The following UBAP2 variants were observed in gnomAD, a reference collection of about 807,000 sequenced individuals.
The protein encoded by UBAP2 is ubiquitin associated protein 2.
In UBAP2, 75 loss-of-function variants were observed where a neutral mutation model predicts 139.6. The ratio of observed to expected loss-of-function variants is 0.54; its 90% CI spans 0.45 to 0.65. The LOEUF is 0.65. Among genes scored for constraint, UBAP2 ranks in the 30% least tolerant of loss-of-function variants. UBAP2 has a pLI of 0.00. For synonymous variants in UBAP2, 526 were observed against 526.2 expected (o/e 1.00, Z 0.01); for missense variants, 1,368 against 1,369.6 (o/e 1.00, Z 0.02).
chr9:33,990,814 T>C (rs538266657), intron 4 of UBAP2, among the ~76,000 whole-genome samples: 20 of 152,004 alleles, frequency 1.3e-4, no homozygotes, highest in South Asian at 8.3e-4. Flanking sequence ...TTTTTGTAAT[T>C]TTAGTAGAGA....
chr9:34,041,298 C>CAAA, intron 1 of UBAP2, among the ~76,000 whole-genome samples: 1 of 134,204 alleles, frequency 7.5e-6, no homozygotes, highest in Admixed American at 7.6e-5. Flanking sequence ...ACTAAAAATG[C>CAAA]AAAAAAAAAA....
At chr9:33,943,342 C>A in intron 15 of UBAP2, 78 bp downstream of exon 15, 2 of 1,441,674 alleles carry the variant, frequency 1.4e-6, no homozygotes, top group South Asian at 2.6e-5. Context: ...TAGCTATTAC[C>A]ACAGGATGTA....
At chr9:34,036,220 T>C (rs1826354044) in intron 1 of UBAP2, among the ~76,000 whole-genome samples, 1 of 151,662 alleles carries the variant, frequency 6.6e-6, no homozygotes, top group African/African-American at 2.4e-5. Context: ...GTTCAAACGA[T>C]TCTCCTCCTC....
intron 12 of UBAP2, among the ~76,000 whole-genome samples, chr9:33,951,295 G>A (rs1207161959): frequency 1.4e-5 from 2 of 147,796 alleles, no homozygotes; most frequent in Non-Finnish European, 3.0e-5. Context: ...GGGATTTACA[G>A]GGATGAGCCA....
intron 9 of UBAP2, among the ~76,000 whole-genome samples, chr9:33,962,697 C>T (rs967525326): frequency 4.3e-5 from 6 of 138,718 alleles, no homozygotes; most frequent in Non-Finnish European, 7.5e-5. Context: ...AAAAATAGGG[C>T]CTGGAGCAGT....
At chr9:34,028,799 C>T (rs1340504722) in intron 1 of UBAP2, among the ~76,000 whole-genome samples, 1 of 150,462 alleles carries the variant, frequency 6.6e-6, no homozygotes, top group Admixed American at 6.7e-5. Flanking sequence ...CTCTCTCCTA[C>T]AAAAAGGAAA....
At chr9:33,958,848 G>C (rs1355014111) in intron 10 of UBAP2, among the ~76,000 whole-genome samples, 1 of 151,096 alleles carries the variant, frequency 6.6e-6, no homozygotes, top group East Asian at 2.0e-4. Flanking sequence ...GCAAGACCTA[G>C]TCTCTAAAAT....
Position 33,923,482 on chromosome 9 carries a change from G to C in UBAP2, c.2797-4C>G, listed in dbSNP as rs770286655. ...GCTTGGCTGAGGCTGGAGGGACCTG[G>C]GGGGGCAAGCAGATGAGGTATTAGT... On this transcript the variant is annotated splice_polypyrimidine_tract_variant and splice_region_variant and intron_variant, in intron 24 of 28. Coordinates refer to ENST00000379238, the MANE Select transcript of UBAP2 (RefSeq NM_001370062.2). 128 of 1,613,846 alleles carry C rather than the reference G, an allele frequency of 7.9e-5. No individual in the cohort carries two copies. Among genetic ancestry groups the C allele is most frequent in the South Asian group, 2.3e-4 (21 of 91,074 alleles).
At chr9:33,983,570 A>G (rs947411145) in intron 6 of UBAP2, among the ~76,000 whole-genome samples, 1 of 152,202 alleles carries the variant, frequency 6.6e-6, no homozygotes, top group Non-Finnish European at 1.5e-5. Context: ...CGTTGGTCTT[A>G]TACTGTGACC....
chr9:33,944,737 T>TG, intron 13 of UBAP2, 98 bp from the exon 14 acceptor site: 1 of 1,383,470 alleles, frequency 7.2e-7, no homozygotes, highest in Non-Finnish European at 9.8e-7. Flanking sequence ...CTCCAAATCA[T>TG]TTCCAGTTGA....
In UBAP2 at chr9:33,923,226, C is replaced by G. The variant is rs35262932; in HGVS notation, c.2964G>C (p.Ser988=). 1.2e-6 allele frequency: 2 copies of G among 1,614,186 alleles called. No homozygotes were observed. Among genetic ancestry groups the G allele is most frequent in the East Asian group, 4.5e-5 (2 of 44,882 alleles). Residue 988 remains serine, a synonymous_variant, in exon 26 of 29, where the codon TCG becomes TCC. Coordinates refer to ENST00000379238, the MANE Select transcript of UBAP2 (RefSeq NM_001370062.2). The stretch of plus-strand genomic sequence containing the variant: ...AACCTGCAGACTTGTTTGGTGCCTG[C>G]GATGATCCAGCATAGCCACCTTTGG... ...DYSKGGYAGS[S]QAPNKSAGSG...
chr9:33,957,620 T>A (rs947358332), intron 10 of UBAP2, among the ~76,000 whole-genome samples: 4 of 152,238 alleles, frequency 2.6e-5, no homozygotes, highest in Non-Finnish European at 5.9e-5. Flanking sequence ...AAACCTCAAC[T>A]GACATTAATA....
chr9:33,985,753 G>T (rs555009773), intron 6 of UBAP2, among the ~76,000 whole-genome samples: 1 of 152,208 alleles, frequency 6.6e-6, no homozygotes, highest in South Asian at 2.1e-4. Flanking sequence ...CGGGCTCGGT[G>T]GCTCATGCCT....
chr9:33,963,682 A>G, intron 9 of UBAP2, 44 bp downstream of exon 9: 1 of 1,206,208 alleles, frequency 8.3e-7, no homozygotes, highest in Middle Eastern at 2.7e-4. Context: ...CAAGCAATTT[A>G]TAAGATTCTT....
intron 3 of UBAP2, chr9:33,997,490 C>CTA (rs1554688868): frequency 6.6e-6 from 1 of 152,206 alleles, no homozygotes; most frequent in African/African-American, 2.4e-5. Flanking sequence ...GCTCTCTGCA[C>CTA]TATACCATTT....
At chr9:33,971,480 G>C (rs1442713826) in intron 8 of UBAP2, among the ~76,000 whole-genome samples, 171 bp downstream of exon 8, 4 of 152,212 alleles carry the variant, frequency 2.6e-5, no homozygotes, top group Non-Finnish European at 5.9e-5. Context: ...ATTTGTATGT[G>C]ACAGACTTTG....
chr9:34,000,269 C>T (rs538230868), intron 2 of UBAP2, among the ~76,000 whole-genome samples: 2 of 152,260 alleles, frequency 1.3e-5, no homozygotes, highest in Admixed American at 1.3e-4. Flanking sequence ...TGCGCACCAC[C>T]ACATCTGGCT....
chr9:34,015,724 G>A (rs1824190326), intron 2 of UBAP2, among the ~76,000 whole-genome samples: 1 of 151,964 alleles, frequency 6.6e-6, no homozygotes. Flanking sequence ...GTTGAGCCAA[G>A]GTCTCACTCT....
intron 21 of UBAP2, 91 bp from the exon 22 acceptor site, chr9:33,926,755 G>T: frequency 1.5e-6 from 2 of 1,339,156 alleles, no homozygotes; most frequent in South Asian, 1.2e-5. Flanking sequence ...AGGTTGGGGG[G>T]CTCTAACACA....
Sources: gnomAD v4.1 joint callset for allele counts (sites outside exome capture counted in the v4.1 genomes callset) on GRCh38, gnomAD v4.1.1 for gene constraint, MANE v1.5 for transcripts, NCBI Gene and HGNC (gene_info 2026-07-23, HGNC 2026-07-21) for gene names.